LNX2: variants seen among roughly 807,000 people sequenced by gnomAD.
LNX2 encodes the protein ligand of numb-protein X 2, also known as ligand of Numb protein X 2.
Under a neutral mutation model 66.2 loss-of-function variants are expected in LNX2, and 35 were observed. The observed-to-expected ratio is 0.53, with a 90% CI of 0.40 to 0.70. The LOEUF is 0.70. Ranked by LOEUF, LNX2 falls within the 30% of genes least tolerant of loss-of-function variation. LNX2 has a pLI of 0.00. For synonymous variants in LNX2, 337 were observed against 315.6 expected, an observed-to-expected ratio of 1.07 and a Z score of -0.72; for missense variants, 791 against 850.8, an observed-to-expected ratio of 0.93 and a Z score of 0.87.
chr13:27,573,155 C>T (rs1249518005), intron 2 of LNX2, among the ~76,000 whole-genome samples: 1 of 152,060 alleles, frequency 6.6e-6, no homozygotes, highest in East Asian at 1.9e-4. Context: ...TATTTCCATC[C>T]TCACCTCCCC....
intron 1 of LNX2, among the ~76,000 whole-genome samples, chr13:27,594,182 CTTTT>C (rs528224424): frequency 1.4e-3 from 211 of 152,078 alleles, no homozygotes; most frequent in Non-Finnish European, 2.7e-3. Flanking sequence ...TTTCATTGTT[CTTTT>C]AATTTGCATC....
At chr13:27,562,135 G>C (rs1470637467) in intron 5 of LNX2, among the ~76,000 whole-genome samples, 2 of 152,144 alleles carry the variant, frequency 1.3e-5, no homozygotes, top group Non-Finnish European at 2.9e-5. Flanking sequence ...TGGCTTAATA[G>C]TAGAACCCAG....
At chr13:27,595,702 T>C (rs2138437548) in intron 1 of LNX2, among the ~76,000 whole-genome samples, 1 of 152,348 alleles carries the variant, frequency 6.6e-6, no homozygotes, top group African/African-American at 2.4e-5. Context: ...CCCTGTGTCC[T>C]AGCCAGCTGT....
At chr13:27,560,725 T>G (rs1955125321) in intron 5 of LNX2, among the ~76,000 whole-genome samples, 1 of 152,032 alleles carries the variant, frequency 6.6e-6, no homozygotes, top group Non-Finnish European at 1.5e-5. Flanking sequence ...ACAAGTTATT[T>G]AATACTTCCT....
At chr13:27,565,500 C>CT (rs1173631318) in intron 4 of LNX2, among the ~76,000 whole-genome samples, 5 of 152,220 alleles carry the variant, frequency 3.3e-5, no homozygotes, top group African/African-American at 1.2e-4. Context: ...GTAAGAGTCG[C>CT]TCTCTGCAAA....
intron 1 of LNX2, among the ~76,000 whole-genome samples, chr13:27,600,723 G>A (rs58026401): frequency 0.11 from 16,226 of 152,162 alleles, 1,026 homozygotes; most frequent in East Asian, 0.28. Context: ...AGTTTTAGGG[G>A]CACAGTGTCA....
rs79899577 is a variant in LNX2 at position 27,578,433 on chromosome 13, G to A, written c.407+2864C>T. On this transcript the variant is annotated intron_variant, in intron 2 of 9. Transcript: ENST00000316334. ...AGTCGTAGTAATCATATTCTGCGCCGCATAACATCATTCTTCTTGCTAGTT... is the reference window on the plus strand; with the variant it reads ...AGTCGTAGTAATCATATTCTGCGCCACATAACATCATTCTTCTTGCTAGTT... 5.7e-3 allele frequency among the ~76,000 whole-genome samples: 873 copies of A among 152,166 alleles called. 7 individuals carry two copies. The highest frequency in any genetic ancestry group is 0.017 in the African/African-American group (718 of 41,510).
chr13:27,581,785 A>G lies in LNX2; in HGVS notation c.-82T>C. 4.2e-6 allele frequency: 5 copies of G among 1,191,782 alleles called. No individual in the cohort carries two copies. The highest frequency in any genetic ancestry group is 2.1e-4 in the Middle Eastern group (1 of 4,768). The allele number at this position is 1,191,782 out of a possible 1,614,324, so 73.8% of individuals were successfully genotyped here. A position where few individuals can be genotyped will look rare whatever the true frequency, so the allele number is the denominator to read the frequency against. On this transcript the variant is annotated 5_prime_UTR_variant, in exon 2 of 10. Transcript: ENST00000316334. ...TTAACAGACAGTGATGTATCTGACT[A>G]AAGTCAAGGTGTGTTTTTCTAGATA... is the stretch of plus-strand genomic sequence containing the variant.
chr13:27,556,230 T>TC lies in LNX2; in HGVS notation c.1546+5dup, dbSNP rs1815269587. The TC allele has an allele frequency of 1.2e-6, 2 of 1,611,526 alleles. No individual in the cohort carries two copies. The highest frequency in any genetic ancestry group is 2.7e-5 in the African/African-American group (2 of 74,962). On this transcript the variant is annotated splice_donor_region_variant and intron_variant, in intron 7 of 9. Transcript: ENST00000316334. ...TGTGGTAAAATTTTTCAAGATCCCA[T>TC]CTTACCTCTCTTTATTCTGCCATCT... is the stretch of plus-strand genomic sequence containing the variant.
At chr13:27,573,385 C>T (rs1955306448) in intron 2 of LNX2, among the ~76,000 whole-genome samples, 1 of 151,154 alleles carries the variant, frequency 6.6e-6, no homozygotes. Flanking sequence ...CTTGGCTTGA[C>T]TCAGAGCTCA....
At chr13:27,564,594 T>G (rs1374843148) in intron 4 of LNX2, among the ~76,000 whole-genome samples, 6 of 152,102 alleles carry the variant, frequency 3.9e-5, no homozygotes, top group Non-Finnish European at 1.5e-5. Flanking sequence ...TAACAGCATA[T>G]GGTTCTCCTT....
At chr13:27,558,931 A>G (rs1393722760) in intron 6 of LNX2, among the ~76,000 whole-genome samples, 1 of 152,136 alleles carries the variant, frequency 6.6e-6, no homozygotes, top group Non-Finnish European at 1.5e-5. Flanking sequence ...TTATTCACTC[A>G]AATGTTACTT....
At chr13:27,580,047 CTTTG>C (rs1000469909) in intron 2 of LNX2, among the ~76,000 whole-genome samples, 23 of 152,078 alleles carry the variant, frequency 1.5e-4, no homozygotes, top group African/African-American at 4.3e-4. Flanking sequence ...TTAATAACAT[CTTTG>C]TTTTTTTCAT....
chr13:27,567,684 T>C lies in LNX2; in HGVS notation c.811A>G (p.Ile271Val). 2 of 1,614,072 alleles carry C rather than the reference T, an allele frequency of 1.2e-6. No individual in the cohort carries two copies. Among genetic ancestry groups the C allele is most frequent in the Non-Finnish European group, 1.7e-6 (2 of 1,179,966 alleles). The change falls in exon 4 of 10, where the codon ATT becomes GTT. Residue 271 changes from isoleucine (I) to valine (V), a missense_variant. Coordinates refer to ENST00000316334, the MANE Select transcript of LNX2 (RefSeq NM_153371.4). ...GCAAGAAGTCTCCCGTCTCTGGCAA[T>C]GACCCCATCCCGATAGACCTCCTGG... is the stretch of plus-strand genomic sequence containing the variant. ...VIQEVYRDGV[I>V]ARDGRLLAGD...
chr13:27,618,297 A>C (rs1955848899), intron 1 of LNX2, among the ~76,000 whole-genome samples: 4 of 152,134 alleles, frequency 2.6e-5, no homozygotes, highest in Admixed American at 2.0e-4. Flanking sequence ...GGCAATCACT[A>C]TTCTAAGTAA....
At chr13:27,595,900 C>T (rs184662712) in intron 1 of LNX2, among the ~76,000 whole-genome samples, 1 of 152,286 alleles carries the variant, frequency 6.6e-6, no homozygotes, top group African/African-American at 2.4e-5. Context: ...GCTGTTGCTG[C>T]TAATCTGCTG....
chr13:27,590,986 GTGTGTGTGTATATA>G (rs1955541015), intron 1 of LNX2, among the ~76,000 whole-genome samples: 1 of 151,844 alleles, frequency 6.6e-6, no homozygotes, highest in African/African-American at 2.4e-5. Flanking sequence ...ACATATATAT[GTGTGTGTGTATATA>G]TATGTGTGTG....
intron 1 of LNX2, among the ~76,000 whole-genome samples, chr13:27,606,642 T>C (rs1001539372): frequency 1.3e-5 from 2 of 152,190 alleles, no homozygotes; most frequent in Non-Finnish European, 2.9e-5. Flanking sequence ...CATGAGTTTA[T>C]ACACACAAAA....
At chr13:27,617,042 C>G (rs370573613) in intron 1 of LNX2, among the ~76,000 whole-genome samples, 1 of 152,200 alleles carries the variant, frequency 6.6e-6, no homozygotes, top group African/African-American at 2.4e-5. Flanking sequence ...GTCACTGCAC[C>G]TGGCCAAAAA....
Sources: gnomAD v4.1 joint callset for allele counts (sites outside exome capture counted in the v4.1 genomes callset) on GRCh38, gnomAD v4.1.1 for gene constraint, MANE v1.5 for transcripts, NCBI Gene and HGNC (gene_info 2026-07-23, HGNC 2026-07-21) for gene names.